Variants in ZNF366 observed in about 807,000 individuals in gnomAD.
ZNF366 encodes the protein dendritic cell-specific transcript protein.
ZNF366 carries 20 observed loss-of-function variants against 47.2 expected under a neutral mutation model. The observed-to-expected ratio is 0.42, with a 90% CI of 0.30 to 0.62. The LOEUF (loss-of-function observed/expected upper bound fraction) is 0.62. Ranked by LOEUF, ZNF366 falls within the 20% of genes least tolerant of loss-of-function variation. The pLI is 0.16. For synonymous variants in ZNF366, 421 were observed against 395.1 expected (o/e 1.07, Z -0.78); for missense variants, 987 against 976.3 (o/e 1.01, Z -0.15).
chr5:72,500,542 C>T (rs1012799653), intron 1 of ZNF366, among the ~76,000 whole-genome samples: 2 of 152,200 alleles, frequency 1.3e-5, no homozygotes, highest in Admixed American at 6.5e-5. Context: ...ATGGAGTTAA[C>T]TTCATGGGAG....
At chr5:72,462,505 A>AG (rs1743335716) in intron 1 of ZNF366, among the ~76,000 whole-genome samples, 1 of 67,826 alleles carries the variant, frequency 1.5e-5, no homozygotes, top group Non-Finnish European at 2.9e-5. Flanking sequence ...TCTCCTTGCC[A>AG]GTTTTCTTTC....
rs186030956 is a variant in ZNF366, at chr5:72,497,795, C to A, written c.-15+9456G>T. Among the ~76,000 whole-genome samples, 307 of 152,132 alleles carry A rather than the reference C, an allele frequency of 2.0e-3. 2 individuals are homozygous for A. The highest frequency in any genetic ancestry group is 6.7e-3 in the African/African-American group (278 of 41,506). ...GTGTTAACAAATGTTTCATCTTTGC[C>A]GATCAAGTAAATAAAAATTGGTATC... On this transcript the variant is annotated intron_variant, in intron 1 of 4. Transcript: ENST00000318442.
intron 3 of ZNF366, among the ~76,000 whole-genome samples, chr5:72,449,730 A>G (rs1743028472): frequency 6.6e-6 from 1 of 152,250 alleles, no homozygotes; most frequent in South Asian, 2.1e-4. Flanking sequence ...CATGCATTAA[A>G]GCTTTGCCTG....
chr5:72,471,308 T>A (rs1291062236), intron 1 of ZNF366, among the ~76,000 whole-genome samples: 1 of 152,232 alleles, frequency 6.6e-6, no homozygotes, highest in African/African-American at 2.4e-5. Flanking sequence ...TCTCCCCACT[T>A]TACATTTTTA....
intron 1 of ZNF366, among the ~76,000 whole-genome samples, chr5:72,474,794 T>C (rs541116475): frequency 2.0e-5 from 3 of 152,294 alleles, no homozygotes; most frequent in African/African-American, 7.2e-5. Context: ...CTTACTGGAA[T>C]TTCCTTCTCT....
chr5:72,492,322 T>A (rs1744029135), intron 1 of ZNF366, among the ~76,000 whole-genome samples: 1 of 152,172 alleles, frequency 6.6e-6, no homozygotes, highest in African/African-American at 2.4e-5. Flanking sequence ...GCACAGGGCC[T>A]CCCCAACATG....
intron 3 of ZNF366, among the ~76,000 whole-genome samples, chr5:72,453,198 T>C (rs1743110365): frequency 6.6e-6 from 1 of 152,110 alleles, no homozygotes; most frequent in Non-Finnish European, 1.5e-5. Flanking sequence ...GAAGGATGCA[T>C]GTTAAGAAGG....
intron 3 of ZNF366, among the ~76,000 whole-genome samples, chr5:72,450,967 A>G (rs1488609649): frequency 3.3e-5 from 5 of 152,178 alleles, no homozygotes; most frequent in Non-Finnish European, 5.9e-5. Flanking sequence ...AGGGGATGGG[A>G]GTTAGACGAG....
In ZNF366 at chr5:72,442,041, T is replaced by C. The variant is rs994030348; in HGVS notation, c.*1715A>G. ...GAAATAATGAGTCACCATAGGCCAG[T>C]CATGCATTTTTTAAACATAGTAAGT... On this transcript the variant is annotated 3_prime_UTR_variant, in exon 5 of 5. Transcript: ENST00000318442. 2.0e-4 allele frequency: 8 copies of C among 40,486 alleles called. No homozygotes were observed. The highest frequency in any genetic ancestry group is 6.0e-4 in the African/African-American group (7 of 11,612). 2.5% of individuals were successfully genotyped at this position (40,486 alleles called of 1,614,324 possible).
chr5:72,482,526 A>G (rs996822853), intron 1 of ZNF366, among the ~76,000 whole-genome samples: 2 of 152,168 alleles, frequency 1.3e-5, no homozygotes, highest in Non-Finnish European at 2.9e-5. Flanking sequence ...TTCCAGGGAA[A>G]CCATCTATGA....
At chr5:72,462,456 G>T (rs1049682313) in intron 1 of ZNF366, among the ~76,000 whole-genome samples, 2 of 151,950 alleles carry the variant, frequency 1.3e-5, no homozygotes, top group East Asian at 1.9e-4. Context: ...AGAGCTGGTG[G>T]TGGGACTAGA....
chr5:72,479,412 T>TTAAAAAA (rs945493571), intron 1 of ZNF366, among the ~76,000 whole-genome samples: 1 of 151,108 alleles, frequency 6.6e-6, no homozygotes, highest in Non-Finnish European at 1.5e-5. Flanking sequence ...ATTAAAAAAA[T>TTAAAAAA]TAAAAAATTA....
At chr5:72,445,328 G>T (rs2112313758) in intron 4 of ZNF366, among the ~76,000 whole-genome samples, 1 of 151,198 alleles carries the variant, frequency 6.6e-6, no homozygotes, top group African/African-American at 2.4e-5. Flanking sequence ...CAGGAAGGGA[G>T]GGGTCCTGGG....
At position 72,504,064 on chromosome 5, in the gene ZNF366, C is replaced by T. The variant is rs562828498; in HGVS notation, c.-15+3187G>A. Among the ~76,000 whole-genome samples, 65 of 151,878 alleles carry T rather than the reference C, an allele frequency of 4.3e-4. 1 individual carries two copies. In the South Asian group the frequency reaches 0.013, roughly 31 times the overall value. On this transcript the variant is annotated intron_variant, in intron 1 of 4. Coordinates refer to ENST00000318442, the MANE Select transcript of ZNF366 (RefSeq NM_152625.3). ...ACACACATGCACACACGCACGCACACACGCACGCACACACACATGCGCGCG... is the reference window on the plus strand; with the variant it reads ...ACACACATGCACACACGCACGCACATACGCACGCACACACACATGCGCGCG...
intron 3 of ZNF366, 118 bp from the exon 4 acceptor site, chr5:72,447,535 C>T (rs553320473): frequency 1.6e-6 from 2 of 1,232,100 alleles, no homozygotes; most frequent in Admixed American, 2.1e-5. Context: ...AATCTGCTTG[C>T]AAGGAAAATG....
chr5:72,492,845 T>C (rs954182720), intron 1 of ZNF366, among the ~76,000 whole-genome samples: 6 of 152,344 alleles, frequency 3.9e-5, no homozygotes, highest in South Asian at 2.1e-4. Flanking sequence ...TTTCCTCTGA[T>C]GGTTTTTAAT....
chr5:72,448,838 A>G (rs1399634862), intron 3 of ZNF366, among the ~76,000 whole-genome samples: 1 of 152,226 alleles, frequency 6.6e-6, no homozygotes, highest in Non-Finnish European at 1.5e-5. Flanking sequence ...TGGGGAGTTT[A>G]GCGTAGAAGA....
In ZNF366 at chr5:72,447,337, G is replaced by A. The variant is rs1193932388; in HGVS notation, c.1605C>T (p.Cys535=). The A allele has an allele frequency of 6.2e-7, 1 of 1,614,040 alleles. No homozygotes were observed. Among genetic ancestry groups the A allele is most frequent in the Non-Finnish European group, 8.5e-7 (1 of 1,180,042 alleles). ...HLHSDSKPFK[C]LYCPSKFTLK... is the part of the protein sequence containing the mutation. Reference sequence around the variant, plus strand: ...GGGTGAATTTGCTTGGGCAATAGAGGCACTTGAAGGGTTTGCTGTCTGAGT... The same window carrying A: ...GGGTGAATTTGCTTGGGCAATAGAGACACTTGAAGGGTTTGCTGTCTGAGT... The change falls in exon 4 of 5, where the codon TGC becomes TGT. Residue 535 remains cysteine, a synonymous_variant. Coordinates refer to ENST00000318442, the MANE Select transcript of ZNF366 (RefSeq NM_152625.3).
intron 3 of ZNF366, among the ~76,000 whole-genome samples, chr5:72,450,560 C>T (rs1405903150): frequency 6.6e-6 from 1 of 152,194 alleles, no homozygotes; most frequent in Non-Finnish European, 1.5e-5. Flanking sequence ...AAAAAGCAGC[C>T]ATCACCAGCT....
Sources: allele counts gnomAD v4.1 joint callset (sites outside exome capture counted in the v4.1 genomes callset), GRCh38; gene constraint gnomAD v4.1.1; transcripts MANE v1.5; gene names NCBI Gene and HGNC (gene_info 2026-07-23, HGNC 2026-07-21).